KIF13A: variants seen among roughly 807,000 people sequenced by gnomAD.
The protein encoded by KIF13A is kinesin family member 13A, also known as kinesin-like protein KIF13A.
Under a neutral mutation model 212.2 loss-of-function variants are expected in KIF13A, and 79 were observed. The observed-to-expected ratio is 0.37, with a 90% CI of 0.31 to 0.45. The LOEUF (loss-of-function observed/expected upper bound fraction) is 0.45, where lower values mean the gene tolerates loss of function less well. KIF13A is among the 20% of genes least tolerant of loss of function. The pLI is 1.00. For missense variants in KIF13A, 1,901 were observed against 2,209.0 expected (o/e 0.86, Z 2.79); for synonymous variants, 789 against 808.6 (o/e 0.98, Z 0.41).
rs981413545 is a variant in KIF13A, at chr6:17,839,461, C to T, written c.831-1878G>A. Among the ~76,000 whole-genome samples, 6 of 152,032 alleles carry T rather than the reference C, an allele frequency of 3.9e-5. No homozygotes were observed. The highest frequency in any genetic ancestry group is 1.4e-4 in the African/African-American group (6 of 41,402). On this transcript the variant is annotated intron_variant, in intron 9 of 38. Transcript: ENST00000259711. This position sits in a 1 kb window ranked among gnomAD's most constrained non-coding sequence, Gnocchi z 4.3. ...TACACACAGTGGAATATCATTTGGCCATAAAAGGGAATAAGTTCAGATACA... is the reference window on the plus strand; with the variant it reads ...TACACACAGTGGAATATCATTTGGCTATAAAAGGGAATAAGTTCAGATACA...
chr6:17,869,208 C>T (rs1288402998), intron 4 of KIF13A, among the ~76,000 whole-genome samples: 1 of 151,948 alleles, frequency 6.6e-6, no homozygotes, highest in Admixed American at 6.6e-5. Flanking sequence ...TGTATCTCCT[C>T]CTTTCACAGA....
Position 17,785,954 on chromosome 6 carries a change from C to T in KIF13A, c.3362-313G>A, listed in dbSNP as rs186620711. Among the ~76,000 whole-genome samples the T allele has an allele frequency of 3.3e-5, 5 of 152,250 alleles. No individual in the cohort carries two copies. The highest frequency in any genetic ancestry group is 1.2e-4 in the African/African-American group (5 of 41,530). ...AAACAAAAACAATAAACAGATTTCA[C>T]TCAGTGCTATCTATAAGTGGTTTAA... is the stretch of plus-strand genomic sequence containing the variant. On this transcript the variant is annotated intron_variant, in intron 27 of 38. Transcript: ENST00000259711. This position sits in a 1 kb window ranked among gnomAD's most constrained non-coding sequence, Gnocchi z 5.8.
At position 17,789,383 on chromosome 6, in the gene KIF13A, G is replaced by A. The variant is rs1761338142; in HGVS notation, c.3261+489C>T. On this transcript the variant is annotated intron_variant, in intron 26 of 38. Coordinates refer to ENST00000259711, the MANE Select transcript of KIF13A (RefSeq NM_022113.6). This position sits in a 1 kb window ranked among gnomAD's most constrained non-coding sequence, Gnocchi z 4.8. Reference sequence around the variant, plus strand: ...AATTTTCCTATTCAGCAAAAGTCTTGTAAAGTAAAATGGCATATTACAACA... The same window carrying A: ...AATTTTCCTATTCAGCAAAAGTCTTATAAAGTAAAATGGCATATTACAACA... 6.6e-6 allele frequency among the ~76,000 whole-genome samples: 1 copy of A among 152,272 alleles called. No individual in the cohort carries two copies. Among genetic ancestry groups the A allele is most frequent in the Non-Finnish European group, 1.5e-5 (1 of 68,020 alleles).
At position 17,982,257 on chromosome 6, in the gene KIF13A, G is replaced by A. The variant is rs115888443; in HGVS notation, c.146+4797C>T. The A allele has an allele frequency of 0.02, 3,197 of 163,144 alleles. 45 individuals are homozygous for A. The highest frequency in any genetic ancestry group is 0.03 in the Non-Finnish European group (2,345 of 78,172). 10.1% of individuals were successfully genotyped at this position (163,144 alleles called of 1,614,324 possible). On this transcript the variant is annotated intron_variant, in intron 2 of 38. Transcript: ENST00000259711. The surrounding 1 kb of genome is among the most constrained non-coding windows in gnomAD (Gnocchi z 5.1). ...ATTATAGGTGTGCACCACCACACTC[G>A]GCTAACTTTTGTATTTTTTTAGTGG...
intron 2 of KIF13A, among the ~76,000 whole-genome samples, chr6:17,976,787 G>A (rs1359643286): frequency 1.4e-5 from 2 of 145,292 alleles, no homozygotes; most frequent in Non-Finnish European, 3.0e-5. Context: ...GGGCAACAGA[G>A]CAAGACTCCA....
chr6:17,952,943 AGAAGC>A, intron 2 of KIF13A, among the ~76,000 whole-genome samples: 1 of 149,418 alleles, frequency 6.7e-6, no homozygotes, highest in Non-Finnish European at 1.5e-5. Context: ...AAAAAAAAAG[AGAAGC>A]GAAGCGAAGA....
intron 22 of KIF13A, among the ~76,000 whole-genome samples, chr6:17,797,024 C>T (rs1008566721): frequency 5.3e-5 from 8 of 151,794 alleles, no homozygotes; most frequent in African/African-American, 1.9e-4. Flanking sequence ...TAACTCAACC[C>T]GTTTCTTTCT....
At position 17,809,209 on chromosome 6, in the gene KIF13A, A is replaced by T. The variant is rs1404847009; in HGVS notation, c.2001-279T>A. Among the ~76,000 whole-genome samples the T allele has an allele frequency of 6.6e-6, 1 of 152,246 alleles. No homozygotes were observed. The highest frequency in any genetic ancestry group is 2.4e-5 in the African/African-American group (1 of 41,460). On this transcript the variant is annotated intron_variant, in intron 17 of 38. Coordinates refer to ENST00000259711, the MANE Select transcript of KIF13A (RefSeq NM_022113.6). This position sits in a 1 kb window ranked among gnomAD's most constrained non-coding sequence, Gnocchi z 4.7. ...CAGATTGTGATAGGAGGATGCAAAA[A>T]ACCAGTACAGGAATCTTTGGGAAAA...
chr6:17,847,184 C>T (rs889502824), intron 9 of KIF13A, among the ~76,000 whole-genome samples: 8 of 152,202 alleles, frequency 5.3e-5, no homozygotes, highest in African/African-American at 1.7e-4. Flanking sequence ...CCACAAGCCC[C>T]ACCGGCAGGC....
Position 17,794,326 on chromosome 6 carries a change from C to G in KIF13A, c.3145G>C (p.Glu1049Gln). 1.2e-6 allele frequency: 2 copies of G among 1,613,370 alleles called. No individual in the cohort carries two copies. The highest frequency in any genetic ancestry group is 1.7e-6 in the Non-Finnish European group (2 of 1,179,394). ...QHSGTLPLMV[E>Q]AILSVSIGCV... The stretch of plus-strand genomic sequence containing the variant: ...CCGATGGATACTGACAGGATGGCTT[C>G]AACCATAAGTGGCAGTGTCCCTGAA... Residue 1049 changes from glutamate to glutamine, a missense_variant, in exon 25 of 39, where the codon GAA becomes CAA. Glu to Gln is a conservative substitution (Grantham distance 29). Around this residue, in one of 5 missense-constraint regions of KIF13A, gnomAD observed 168 missense variants for 250.9 expected, o/e 0.67. Coordinates refer to ENST00000259711, the MANE Select transcript of KIF13A (RefSeq NM_022113.6). This position sits in a 1 kb window ranked among gnomAD's most constrained non-coding sequence, Gnocchi z 4.1.
intron 3 of KIF13A, among the ~76,000 whole-genome samples, chr6:17,880,999 G>A (rs1307909270): frequency 6.6e-6 from 1 of 152,136 alleles, no homozygotes. Flanking sequence ...AACATTGTGA[G>A]AACATTTTTT....
At chr6:17,960,270 A>G (rs1778702251) in intron 2 of KIF13A, among the ~76,000 whole-genome samples, 1 of 152,246 alleles carries the variant, frequency 6.6e-6, no homozygotes. Context: ...CTTTGAGAGT[A>G]GCAAAAAGAG....
intron 6 of KIF13A, among the ~76,000 whole-genome samples, chr6:17,854,377 A>T (rs1487694743): frequency 6.6e-6 from 1 of 152,024 alleles, no homozygotes; most frequent in Admixed American, 6.6e-5. Flanking sequence ...ACCTCAAGTG[A>T]TCCACCCACC....
rs1460367532 is a variant in KIF13A at position 17,838,833 on chromosome 6, G to T, written c.831-1250C>A. On this transcript the variant is annotated intron_variant, in intron 9 of 38. Coordinates refer to ENST00000259711, the MANE Select transcript of KIF13A (RefSeq NM_022113.6). This position sits in a 1 kb window ranked among gnomAD's most constrained non-coding sequence, Gnocchi z 4.2. The stretch of plus-strand genomic sequence containing the variant: ...TTATTTTTTTGTTTGTTTGTTTTTT[G>T]AGATGGAATCTCGCTCTGTCACCCA... Among the ~76,000 whole-genome samples, 3 of 152,040 alleles carry T rather than the reference G, an allele frequency of 2.0e-5. No homozygotes were observed. Among genetic ancestry groups the T allele is most frequent in the Non-Finnish European group, 4.4e-5 (3 of 68,016 alleles).
At chr6:17,922,704 T>C (rs1009870127) in intron 2 of KIF13A, among the ~76,000 whole-genome samples, 43 of 151,722 alleles carry the variant, frequency 2.8e-4, no homozygotes, top group Non-Finnish European at 5.7e-4. Context: ...TTCTAAAACA[T>C]GGGTTATCTG....
Position 17,984,548 on chromosome 6 carries a change from T to C in KIF13A, c.146+2506A>G, listed in dbSNP as rs1781380259. The C allele has an allele frequency of 1.0e-6, 1 of 985,242 alleles. No homozygotes were observed. Among genetic ancestry groups the C allele is most frequent in the African/African-American group, 1.7e-5 (1 of 57,226 alleles). The allele number at this position is 985,242 out of a possible 1,614,324, so 61.0% of individuals were successfully genotyped here. A position where few individuals can be genotyped will look rare whatever the true frequency, so the allele number is the denominator to read the frequency against. Reference sequence around the variant, plus strand: ...TAGCTACACAGTCTTGGCTTTGGTTTTGTAAAATGGGGAAACAATGAAAGC... The same window carrying C: ...TAGCTACACAGTCTTGGCTTTGGTTCTGTAAAATGGGGAAACAATGAAAGC... On this transcript the variant is annotated intron_variant, in intron 2 of 38. Coordinates refer to ENST00000259711, the MANE Select transcript of KIF13A (RefSeq NM_022113.6). This position sits in a 1 kb window ranked among gnomAD's most constrained non-coding sequence, Gnocchi z 5.0.
At chr6:17,767,153 G>C (rs1276328969) in intron 38 of KIF13A, among the ~76,000 whole-genome samples, 1 of 152,170 alleles carries the variant, frequency 6.6e-6, no homozygotes. Context: ...GGGTTGGGCA[G>C]AATGTTGGAG....
chr6:17,931,192 T>C (rs1184957713), intron 2 of KIF13A, among the ~76,000 whole-genome samples: 3 of 152,218 alleles, frequency 2.0e-5, no homozygotes, highest in Non-Finnish European at 4.4e-5. Flanking sequence ...GGTTGACCAG[T>C]TTATTCTAAG....
At position 17,772,005 on chromosome 6, in the gene KIF13A, G is replaced by A. The variant is rs182962682; in HGVS notation, c.4379C>T (p.Ser1460Phe). The A allele has an allele frequency of 2.5e-6, 4 of 1,613,910 alleles. No homozygotes were observed. Among genetic ancestry groups the A allele is most frequent in the Admixed American group, 3.3e-5 (2 of 60,016 alleles). The change falls in exon 37 of 39, where the codon TCT becomes TTT. Residue 1460 changes from serine (S) to phenylalanine (F), a missense_variant. By Grantham distance (155) the Ser-to-Phe change is radical (BLOSUM62 -2). Transcript: ENST00000259711. The surrounding 1 kb of genome is among the most constrained non-coding windows in gnomAD (Gnocchi z 4.8). ...ALTVSPFKAF[S>F]PQPPKFFKPL... ...CTTGAAAAACTTTGGTGGCTGAGGA[G>A]AGAATGCTTTAAAAGGGCTGACGGT...
Sources: gnomAD v4.1 joint callset for allele counts (sites outside exome capture counted in the v4.1 genomes callset) on GRCh38, gnomAD v4.1.1 for gene constraint, gnomAD v4.1.1 regional missense constraint, Gnocchi (gnomAD v3.1) non-coding constraint, MANE v1.5 for transcripts, NCBI Gene and HGNC (gene_info 2026-07-23, HGNC 2026-07-21) for gene names.